The following SARDH variants were observed in gnomAD, a reference collection of about 807,000 sequenced individuals.
SARDH encodes the protein sarcosine dehydrogenase.
SARDH carries 95 observed loss-of-function variants against 109.1 expected under a neutral mutation model. The observed-to-expected ratio is 0.87, with a 90% confidence interval of 0.74 to 1.03. SARDH has a LOEUF of 1.03. Ranked by LOEUF, SARDH falls within the 50% of genes least tolerant of loss-of-function variation. The pLI is 0.00. For synonymous variants in SARDH, 572 were observed against 534.8 expected (o/e 1.07, Z -0.96); for missense variants, 1,267 against 1,287.8 (o/e 0.98, Z 0.25).
Position 133,718,724 on chromosome 9 carries a change from G to T in SARDH, c.1020+214C>A. ...TTCTCTGTGGATGTTTTGAGGCAAA[G>T]CCCTCCAGCTGCCCTGGGTCTGTAT... is the stretch of plus-strand genomic sequence containing the variant. On this transcript the variant is annotated intron_variant, in intron 7 of 20. Coordinates refer to ENST00000439388, the MANE Select transcript of SARDH (RefSeq NM_001134707.2). The surrounding 1 kb of genome is among the most constrained non-coding windows in gnomAD (Gnocchi z 4.2). 1.3e-6 allele frequency: 1 copy of T among 779,876 alleles called. No individual in the cohort carries two copies. The highest frequency in any genetic ancestry group is 2.4e-6 in the Non-Finnish European group (1 of 418,160). 48.3% of individuals were successfully genotyped at this position (779,876 alleles called of 1,614,324 possible). A position where few individuals can be genotyped will look rare whatever the true frequency, so the allele number is the denominator to read the frequency against.
At chr9:133,729,957 C>T in intron 5 of SARDH, 92 bp from the exon 6 acceptor site, 1 of 1,589,868 alleles carries the variant, frequency 6.3e-7, no homozygotes, top group Admixed American at 1.7e-5. Context: ...GACCTGTCTG[C>T]CCTAGCAGGG....
At chr9:133,726,126 G>T (rs1832481469) in intron 6 of SARDH, among the ~76,000 whole-genome samples, 1 of 151,960 alleles carries the variant, frequency 6.6e-6, no homozygotes, top group Non-Finnish European at 1.5e-5. Flanking sequence ...GTAATCCCAG[G>T]ACTTTAGGAG....
chr9:133,682,445 T>A (rs1381883649), intron 17 of SARDH, among the ~76,000 whole-genome samples: 1 of 152,194 alleles, frequency 6.6e-6, no homozygotes, highest in Non-Finnish European at 1.5e-5. Context: ...GGGTTTTCGC[T>A]AACTCATTGG....
intron 17 of SARDH, among the ~76,000 whole-genome samples, chr9:133,673,694 G>T (rs894611516): frequency 6.6e-6 from 1 of 152,252 alleles, no homozygotes; most frequent in Admixed American, 6.5e-5. Flanking sequence ...CAAGCCGTAG[G>T]CCCCTGACAA....
chr9:133,731,555 G>T, intron 3 of SARDH, 71 bp from the exon 4 acceptor site: 2 of 1,494,878 alleles, frequency 1.3e-6, no homozygotes, highest in Non-Finnish European at 1.8e-6. Flanking sequence ...CTCCCCAACT[G>T]GGCATCCACC....
At chr9:133,721,646 G>A (rs187121211) in intron 6 of SARDH, among the ~76,000 whole-genome samples, 27 of 152,316 alleles carry the variant, frequency 1.8e-4, no homozygotes, top group African/African-American at 5.5e-4. Flanking sequence ...ACTTGGGGGC[G>A]TTAGGTGGTT....
At chr9:133,665,807 C>T (rs185002435) in intron 20 of SARDH, among the ~76,000 whole-genome samples, 205 of 152,338 alleles carry the variant, frequency 1.3e-3, no homozygotes, top group Admixed American at 4.8e-3. Flanking sequence ...ATGGCTTCTC[C>T]CAAGTGCTCG....
intron 17 of SARDH, among the ~76,000 whole-genome samples, chr9:133,681,972 C>T (rs73564115): frequency 0.014 from 2,064 of 152,198 alleles, 47 homozygotes; most frequent in African/African-American, 0.047. Context: ...TCTCCCACTC[C>T]GCCTGAGACC....
At chr9:133,732,333 C>A (rs999874329) in intron 3 of SARDH, 90 bp downstream of exon 3, 12 of 1,080,158 alleles carry the variant, frequency 1.1e-5, no homozygotes, top group African/African-American at 3.2e-5. Flanking sequence ...CCTACCCCCC[C>A]ACAGGGGGTG....
intron 11 of SARDH, 36 bp downstream of exon 11, chr9:133,708,251 G>A (rs768613857): frequency 1.3e-5 from 21 of 1,594,156 alleles, no homozygotes; most frequent in Non-Finnish European, 1.7e-5. Context: ...CCAGACCCTC[G>A]CTGCCAGTCC....
chr9:133,670,831 A>G, intron 18 of SARDH, 79 bp from the exon 19 acceptor site: 1 of 1,450,218 alleles, frequency 6.9e-7, no homozygotes. Flanking sequence ...GATGCTGCCT[A>G]AACCCACCCC....
chr9:133,701,711 TG>T (rs1205418228), intron 13 of SARDH, among the ~76,000 whole-genome samples: 4 of 152,228 alleles, frequency 2.6e-5, no homozygotes, highest in African/African-American at 9.6e-5. Context: ...GAGCCGGCCC[TG>T]CTGCTGCGGC....
chr9:133,669,852 G>C (rs552607875), intron 19 of SARDH, among the ~76,000 whole-genome samples: 3 of 152,236 alleles, frequency 2.0e-5, no homozygotes, highest in Non-Finnish European at 4.4e-5. Flanking sequence ...TGACTGGGAG[G>C]TCAGGCTCCC....
chr9:133,665,212 G>A (rs1054047674), intron 20 of SARDH, among the ~76,000 whole-genome samples: 1 of 142,364 alleles, frequency 7.0e-6, no homozygotes, highest in African/African-American at 2.7e-5. Flanking sequence ...GTTTAACCTC[G>A]GAACCTCGGC....
At chr9:133,683,964 C>T (rs938081023) in intron 17 of SARDH, among the ~76,000 whole-genome samples, 2 of 152,214 alleles carry the variant, frequency 1.3e-5, no homozygotes, top group Admixed American at 6.5e-5. Context: ...TTTCTTTAGC[C>T]GGGCGGCCCT....
chr9:133,717,493 C>G (rs1832169899), intron 7 of SARDH, 38 bp from the exon 8 acceptor site: 2 of 1,611,074 alleles, frequency 1.2e-6, no homozygotes, highest in South Asian at 2.2e-5. Context: ...CCGTTGTCCC[C>G]AAGAAGGCCA....
intron 15 of SARDH, among the ~76,000 whole-genome samples, chr9:133,691,113 G>A (rs186198152): frequency 8.6e-4 from 130 of 151,624 alleles, no homozygotes; most frequent in Non-Finnish European, 1.4e-3. Context: ...AACTGGGGCC[G>A]TTTCTGGATG....
chr9:133,694,161 G>A (rs991905418), intron 15 of SARDH, 97 bp downstream of exon 15: 31 of 886,354 alleles, frequency 3.5e-5, no homozygotes, highest in African/African-American at 1.5e-4. Context: ...CAGAGCTGCC[G>A]TCAGCAGCCC....
intron 16 of SARDH, among the ~76,000 whole-genome samples, chr9:133,689,959 G>C (rs1831033691): frequency 6.6e-6 from 1 of 152,208 alleles, no homozygotes; most frequent in Admixed American, 6.5e-5. Flanking sequence ...CCTTGTCATG[G>C]AGGGTGTTTC....
Sources: gnomAD v4.1 joint callset for allele counts (sites outside exome capture counted in the v4.1 genomes callset) on GRCh38, gnomAD v4.1.1 for gene constraint, Gnocchi (gnomAD v3.1) non-coding constraint, MANE v1.5 for transcripts, NCBI Gene and HGNC (gene_info 2026-07-23, HGNC 2026-07-21) for gene names.